VEPH1: variants seen among roughly 807,000 people sequenced by gnomAD.
VEPH1 encodes the protein ventricular zone-expressed PH domain-containing protein homolog 1.
A neutral mutation model predicts 85.2 loss-of-function variants in VEPH1; 80 were observed. The observed-to-expected ratio is 0.94, with a 90% CI of 0.78 to 1.13. The LOEUF (loss-of-function observed/expected upper bound fraction) is 1.13. VEPH1 is among the 50% of genes most tolerant of loss of function. VEPH1 has a pLI of 0.00. For missense variants in VEPH1, 955 were observed against 980.5 expected (o/e 0.97, Z 0.35); for synonymous variants, 297 against 348.0 (o/e 0.85, Z 1.63).
chr3:157,378,183 T>C (rs1207204749), intron 7 of VEPH1, among the ~76,000 whole-genome samples: 1 of 151,804 alleles, frequency 6.6e-6, no homozygotes, highest in Admixed American at 6.6e-5. Flanking sequence ...AACAGCGACT[T>C]TGTGGGTGCA....
In VEPH1 at chr3:157,470,534, T is replaced by C; in HGVS notation, c.139-5A>G. 5.0e-6 allele frequency: 8 copies of C among 1,613,488 alleles called. No homozygotes were observed. The highest frequency in any genetic ancestry group is 6.8e-6 in the Non-Finnish European group (8 of 1,179,452). On this transcript the variant is annotated splice_polypyrimidine_tract_variant and splice_region_variant and intron_variant, in intron 2 of 13. Coordinates refer to ENST00000362010, the MANE Select transcript of VEPH1 (RefSeq NM_001167912.2). ...ATTGTTATTGGTTTGGTAATCCTGT[T>C]TGGAAAGAAAATCTTCATGTTAAAT... is the stretch of plus-strand genomic sequence containing the variant.
chr3:157,292,748 C>T (rs1327505050), intron 11 of VEPH1, among the ~76,000 whole-genome samples: 2 of 136,960 alleles, frequency 1.5e-5, no homozygotes, highest in East Asian at 2.2e-4. Context: ...CTTTGGGAGG[C>T]GGAGGTGGGT....
intron 4 of VEPH1, among the ~76,000 whole-genome samples, chr3:157,453,221 G>A (rs998882552): frequency 6.6e-6 from 1 of 152,196 alleles, no homozygotes; most frequent in Non-Finnish European, 1.5e-5. Flanking sequence ...ACACCATTGA[G>A]CCCTGAATCA....
chr3:157,381,334 C>G lies in VEPH1; in HGVS notation c.949G>C (p.Ala317Pro). 1 of 1,614,202 alleles carries G rather than the reference C, an allele frequency of 6.2e-7. No homozygotes were observed. The highest frequency in any genetic ancestry group is 8.5e-7 in the Non-Finnish European group (1 of 1,180,022). Residue 317 changes from alanine (A) to proline (P), a missense_variant, in exon 7 of 14, where the codon GCC becomes CCC. Ala to Pro is a conservative substitution (Grantham distance 27, BLOSUM62 -1). Coordinates refer to ENST00000362010, the MANE Select transcript of VEPH1 (RefSeq NM_001167912.2). ...TGGTGAAACGAATGCTCCATGTTGG[C>G]CAGTTGGCTCACCAGGTATGTCAGG... ...SCLTYLVSQL[A>P]NMEHSFHHIL... is the part of the protein sequence containing the mutation.
chr3:157,376,049 C>A (rs1432350192), intron 7 of VEPH1, among the ~76,000 whole-genome samples: 1 of 152,170 alleles, frequency 6.6e-6, no homozygotes, highest in Non-Finnish European at 1.5e-5. Flanking sequence ...CTCCTCTGCC[C>A]CAGGCCTGTG....
chr3:157,315,012 A>G (rs1720581171), intron 10 of VEPH1, among the ~76,000 whole-genome samples: 1 of 152,130 alleles, frequency 6.6e-6, no homozygotes, highest in African/African-American at 2.4e-5. Flanking sequence ...TAGAACATCT[A>G]TAAAGGTATA....
At chr3:157,495,573 A>C in intron 1 of VEPH1, 67 bp from the exon 2 acceptor site, 2 of 1,063,834 alleles carry the variant, frequency 1.9e-6, no homozygotes, top group Non-Finnish European at 1.2e-6. Context: ...ATGTGAACTC[A>C]GTGTCCAGCG....
chr3:157,261,024 G>A lies in VEPH1; in HGVS notation c.*110C>T, dbSNP rs1006490545. 2 of 1,434,496 alleles carry A rather than the reference G, an allele frequency of 1.4e-6. No homozygotes were observed. Among genetic ancestry groups the A allele is most frequent in the Middle Eastern group, 1.8e-4 (1 of 5,478 alleles). The allele number at this position is 1,434,496 out of a possible 1,614,324, so 88.9% of individuals were successfully genotyped here. ...TTCTTAAAGGACAACAATTCCATTG[G>A]TATTTAGTAAAAAACAACATGGCTT... is the stretch of plus-strand genomic sequence containing the variant. On this transcript the variant is annotated 3_prime_UTR_variant, in exon 14 of 14. Coordinates refer to ENST00000362010, the MANE Select transcript of VEPH1 (RefSeq NM_001167912.2).
intron 7 of VEPH1, among the ~76,000 whole-genome samples, chr3:157,366,175 A>G (rs1179230193): frequency 6.6e-6 from 1 of 152,186 alleles, no homozygotes; most frequent in Non-Finnish European, 1.5e-5. Context: ...GACAGAGACA[A>G]AGTATTTATT....
intron 6 of VEPH1, among the ~76,000 whole-genome samples, chr3:157,412,874 C>A (rs1435277491): frequency 6.6e-6 from 1 of 152,042 alleles, no homozygotes; most frequent in East Asian, 1.9e-4. Flanking sequence ...AATCAAACAG[C>A]ACCAAAGATG....
chr3:157,319,648 T>C (rs1721158699), intron 9 of VEPH1, among the ~76,000 whole-genome samples: 1 of 152,214 alleles, frequency 6.6e-6, no homozygotes, highest in Non-Finnish European at 1.5e-5. Flanking sequence ...CAAGAATTCA[T>C]GTAGTTAGCT....
chr3:157,337,764 T>A (rs986778064), intron 9 of VEPH1, among the ~76,000 whole-genome samples: 1 of 152,216 alleles, frequency 6.6e-6, no homozygotes, highest in Non-Finnish European at 1.5e-5. Flanking sequence ...CAAGTTATTA[T>A]TGCAGTGGGC....
At position 157,261,026 on chromosome 3, in the gene VEPH1, A is replaced by G. The variant is rs1017983224; in HGVS notation, c.*108T>C. ...CTTAAAGGACAACAATTCCATTGGT[A>G]TTTAGTAAAAAACAACATGGCTTGG... On this transcript the variant is annotated 3_prime_UTR_variant, in exon 14 of 14. Transcript: ENST00000362010. The G allele has an allele frequency of 2.8e-6, 4 of 1,451,018 alleles. No individual in the cohort carries two copies. The highest frequency in any genetic ancestry group is 3.7e-6 in the Non-Finnish European group (4 of 1,073,676). 89.9% of individuals were successfully genotyped at this position (1,451,018 alleles called of 1,614,324 possible).
chr3:157,447,247 G>T (rs984725331), intron 4 of VEPH1, among the ~76,000 whole-genome samples: 4 of 152,150 alleles, frequency 2.6e-5, no homozygotes, highest in African/African-American at 9.7e-5. Context: ...AGTCAAGAAG[G>T]TGCAAACTCT....
In VEPH1 at chr3:157,495,518, A is replaced by G. The variant is rs73013638; in HGVS notation, c.-157-12T>C. On this transcript the variant is annotated splice_polypyrimidine_tract_variant and intron_variant, in intron 1 of 13. Transcript: ENST00000362010. ...TTCATTGACACTCTCTGCAAGGGAA[A>G]CAAATGACACAATGTAGCCACTGGC... 4,149 of 1,431,288 alleles carry G rather than the reference A, an allele frequency of 2.9e-3. 93 individuals are homozygous for G. The African/African-American group carries it at 0.052, about 18-fold the overall frequency. The allele number at this position is 1,431,288 out of a possible 1,614,324, so 88.7% of individuals were successfully genotyped here. A position where few individuals can be genotyped will look rare whatever the true frequency, so the allele number is the denominator to read the frequency against.
intron 9 of VEPH1, among the ~76,000 whole-genome samples, chr3:157,328,670 G>T (rs1333703530): frequency 6.6e-6 from 1 of 152,178 alleles, no homozygotes. Context: ...GTGCAAGTGA[G>T]ACTTTTGATG....
At chr3:157,442,321 A>C in intron 4 of VEPH1, 4 of 1,434,834 alleles carry the variant, frequency 2.8e-6, no homozygotes, top group Non-Finnish European at 3.8e-6. Context: ...TTCTGAATTA[A>C]TTTATATTTT....
intron 1 of VEPH1, among the ~76,000 whole-genome samples, chr3:157,498,593 T>C (rs893879411): frequency 2.7e-5 from 4 of 150,384 alleles, no homozygotes; most frequent in South Asian, 2.1e-4. Flanking sequence ...GTTGTATTCA[T>C]GACTGTGTGA....
Position 157,435,866 on chromosome 3 carries a change from A to G in VEPH1, c.530-7378T>C, listed in dbSNP as rs80301912. Among the ~76,000 whole-genome samples the G allele has an allele frequency of 7.3e-3, 1,110 of 152,348 alleles. 13 individuals carry two copies. The highest frequency in any genetic ancestry group is 0.025 in the African/African-American group (1,041 of 41,578). On this transcript the variant is annotated intron_variant, in intron 4 of 13. Transcript: ENST00000362010. Reference sequence around the variant, plus strand: ...TTGCCTCGAAACCTTGTAGAATAATATAATGTCCACATAATACCAAGTTAT... The same window carrying G: ...TTGCCTCGAAACCTTGTAGAATAATGTAATGTCCACATAATACCAAGTTAT...
Sources: gnomAD v4.1 joint callset for allele counts (sites outside exome capture counted in the v4.1 genomes callset) on GRCh38, gnomAD v4.1.1 for gene constraint, MANE v1.5 for transcripts, NCBI Gene and HGNC (gene_info 2026-07-23, HGNC 2026-07-21) for gene names.